SCAPER: variants seen among roughly 807,000 people sequenced by gnomAD.
SCAPER encodes the protein S phase cyclin A-associated protein in the endoplasmic reticulum.
In SCAPER, 98 loss-of-function variants were observed where a neutral mutation model predicts 182.2. The observed-to-expected ratio is 0.54, with a 90% CI of 0.46 to 0.64. The LOEUF is 0.64. Among genes scored for constraint, SCAPER ranks in the 30% least tolerant of loss-of-function variants. The pLI is 0.00. For synonymous variants in SCAPER, 605 were observed against 564.6 expected, an observed-to-expected ratio of 1.07 and a Z score of -1.01; for missense variants, 1,432 against 1,690.0, an observed-to-expected ratio of 0.85 and a Z score of 2.68.
rs567245942 is a variant in SCAPER at position 76,900,996 on chromosome 15, ATGT to A, written c.-60+4300_-60+4302del. 3.1e-3 allele frequency among the ~76,000 whole-genome samples: 475 copies of A among 152,312 alleles called. 5 individuals carry two copies. The highest frequency in any genetic ancestry group is 0.011 in the African/African-American group (454 of 41,564). ...TTGCCTTTCTGAGTCTGATACTTTA[ATGT>A]TGTCACAGGCATACTCAAAAACTAC... is the stretch of plus-strand genomic sequence containing the variant. On this transcript the variant is annotated intron_variant, in intron 1 of 31. Coordinates refer to ENST00000563290, the MANE Select transcript of SCAPER (RefSeq NM_020843.4).
chr15:76,436,069 T>C (rs1203785248), intron 25 of SCAPER, among the ~76,000 whole-genome samples: 2 of 152,170 alleles, frequency 1.3e-5, no homozygotes, highest in African/African-American at 4.8e-5. Context: ...ATTTTTTGTT[T>C]TGTTTTGTTT....
chr15:76,842,364 G>C (rs1158546988), intron 4 of SCAPER, among the ~76,000 whole-genome samples: 1 of 152,086 alleles, frequency 6.6e-6, no homozygotes, highest in Admixed American at 6.5e-5. Flanking sequence ...TGAATCATGG[G>C]GGCAGTTTCC....
intron 9 of SCAPER, among the ~76,000 whole-genome samples, chr15:76,772,907 C>A (rs558664100): frequency 6.6e-6 from 1 of 151,784 alleles, no homozygotes. Flanking sequence ...CCATAAACCT[C>A]CCCCCAGTTT....
At chr15:76,499,601 C>A (rs926939626) in intron 24 of SCAPER, among the ~76,000 whole-genome samples, 11 of 152,170 alleles carry the variant, frequency 7.2e-5, no homozygotes, top group African/African-American at 2.7e-4. Flanking sequence ...TAAGGACTTA[C>A]AATCTACTTG....
At position 76,780,315 on chromosome 15, in the gene SCAPER, G is replaced by A. The variant is rs141459885; in HGVS notation, c.773-5198C>T. ...GAGATCCACCTGTGAGGCTACAGTC[G>A]GGCAGGGGGAGGGGCATCCGCCATT... On this transcript the variant is annotated intron_variant, in intron 8 of 31. Transcript: ENST00000563290. Among the ~76,000 whole-genome samples the A allele has an allele frequency of 6.7e-3, 1,027 of 152,334 alleles. 15 individuals are homozygous for A. The highest frequency in any genetic ancestry group is 0.023 in the African/African-American group (945 of 41,582).
chr15:76,618,214 C>T (rs998530589), intron 22 of SCAPER, among the ~76,000 whole-genome samples: 2 of 152,130 alleles, frequency 1.3e-5, no homozygotes, highest in Non-Finnish European at 2.9e-5. Flanking sequence ...GAGTCGAGAT[C>T]ACGCCACTAC....
chr15:76,574,420 A>G, intron 22 of SCAPER, 136 bp from the exon 23 acceptor site: 1 of 912,876 alleles, frequency 1.1e-6, no homozygotes, highest in Non-Finnish European at 1.6e-6. Context: ...AGGGGAGAAA[A>G]AACCAGACAA....
intron 24 of SCAPER, among the ~76,000 whole-genome samples, chr15:76,488,828 C>T (rs142178292): frequency 2.7e-5 from 4 of 146,706 alleles, no homozygotes; most frequent in Admixed American, 1.4e-4. Flanking sequence ...CAGGTTCAAG[C>T]GATTCTCCTG....
Position 76,354,064 on chromosome 15 carries a change from G to A in SCAPER, c.3932C>T (p.Pro1311Leu), listed in dbSNP as rs773983887. Residue 1311 changes from proline (P) to leucine (L), a missense_variant, in exon 30 of 32, where the codon CCA becomes CTA. Physicochemically the swap from Pro to Leu is moderately conservative, Grantham distance 98 (BLOSUM62 -3). Coordinates refer to ENST00000563290, the MANE Select transcript of SCAPER (RefSeq NM_020843.4). This position sits in a 1 kb window ranked among gnomAD's most constrained non-coding sequence, Gnocchi z 4.4. ...AGGGAACAGTACTTTGATCAGCCGT[G>A]GGTCACTGAAATACTGGAAGGGCAA... ...CQLPFQYFSD[P>L]RLIKVLFPSL... 4 of 1,610,920 alleles carry A rather than the reference G, an allele frequency of 2.5e-6. No individual in the cohort carries two copies. Among genetic ancestry groups the A allele is most frequent in the Non-Finnish European group, 3.4e-6 (4 of 1,179,042 alleles).
chr15:76,356,016 T>A (rs1339488178), intron 29 of SCAPER, among the ~76,000 whole-genome samples: 1 of 152,210 alleles, frequency 6.6e-6, no homozygotes, highest in Non-Finnish European at 1.5e-5. Flanking sequence ...TTAACCAGGC[T>A]ACAGGTAAGG....
Position 76,816,638 on chromosome 15 carries a change from A to G in SCAPER, c.394-12005T>C, listed in dbSNP as rs922247738. ...ATAACAATAAATAGTATAAAAATAC[A>G]TAAGCCAGTAACATAATTTTTTTTT... is the stretch of plus-strand genomic sequence containing the variant. On this transcript the variant is annotated intron_variant, in intron 5 of 31. Coordinates refer to ENST00000563290, the MANE Select transcript of SCAPER (RefSeq NM_020843.4). 5.3e-5 allele frequency among the ~76,000 whole-genome samples: 8 copies of G among 150,166 alleles called. No individual in the cohort carries two copies. The East Asian group carries it at 1.4e-3, about 26-fold the overall frequency.
chr15:76,895,795 C>T (rs2074399410), intron 1 of SCAPER, among the ~76,000 whole-genome samples: 2 of 152,156 alleles, frequency 1.3e-5, no homozygotes, highest in African/African-American at 2.4e-5. Context: ...AATCTCAGCA[C>T]TTTGGGAGTC....
Position 76,774,890 on chromosome 15 carries a change from GT to G in SCAPER, c.999del (p.Leu333PhefsTer16). 6.2e-7 allele frequency: 1 copy of G among 1,613,414 alleles called. No homozygotes were observed. Among genetic ancestry groups the G allele is most frequent in the East Asian group, 2.2e-5 (1 of 44,862 alleles). ...NTIESHPKDS[L>X]HSCDHPLAEK... ...TCGGCAAGAGGATGGTCACAAGAGT[GT>G]AATGAGTCTTTGGGATGAGATTCTA... On this transcript the variant is annotated frameshift_variant, in exon 9 of 32. Coordinates refer to ENST00000563290, the MANE Select transcript of SCAPER (RefSeq NM_020843.4). LOFTEE classifies it high-confidence loss of function.
At chr15:76,752,179 A>C (rs2062127965) in intron 15 of SCAPER, among the ~76,000 whole-genome samples, 1 of 151,874 alleles carries the variant, frequency 6.6e-6, no homozygotes, top group South Asian at 2.1e-4. Flanking sequence ...AACTACAACG[A>C]GATACCAAAT....
At chr15:76,750,549 T>C (rs1051907423) in intron 15 of SCAPER, among the ~76,000 whole-genome samples, 12 of 151,774 alleles carry the variant, frequency 7.9e-5, no homozygotes, top group African/African-American at 2.7e-4. Flanking sequence ...TAGTGAAGCA[T>C]ATTAAAAGGA....
intron 29 of SCAPER, among the ~76,000 whole-genome samples, chr15:76,363,236 G>A (rs769430512): frequency 6.6e-6 from 1 of 152,234 alleles, no homozygotes; most frequent in Non-Finnish European, 1.5e-5. Context: ...GTCTAACACA[G>A]TGCCTGGAAA....
intron 29 of SCAPER, among the ~76,000 whole-genome samples, chr15:76,361,553 T>A (rs1373331648): frequency 6.6e-6 from 1 of 152,234 alleles, no homozygotes; most frequent in Non-Finnish European, 1.5e-5. Context: ...TAGAGTAGAC[T>A]GAAATCAGCA....
chr15:76,558,853 G>A (rs1278088738), intron 23 of SCAPER, among the ~76,000 whole-genome samples: 1 of 151,910 alleles, frequency 6.6e-6, no homozygotes. Context: ...TGGAATATTA[G>A]CCATAAAAAA....
chr15:76,534,318 G>T (rs2043941174), intron 23 of SCAPER, among the ~76,000 whole-genome samples: 1 of 152,190 alleles, frequency 6.6e-6, no homozygotes, highest in Non-Finnish European at 1.5e-5. Flanking sequence ...CAAAGATCTT[G>T]TTTGACACTA....
Sources: allele counts gnomAD v4.1 joint callset (sites outside exome capture counted in the v4.1 genomes callset), GRCh38; gene constraint gnomAD v4.1.1; non-coding constraint Gnocchi (gnomAD v3.1); transcripts MANE v1.5; gene names NCBI Gene and HGNC (gene_info 2026-07-23, HGNC 2026-07-21).